The following TBC1D22A variants were observed in gnomAD, a reference collection of about 807,000 sequenced individuals.
The protein encoded by TBC1D22A is putative GTPase activator.
In TBC1D22A, 38 loss-of-function variants were observed where a neutral mutation model predicts 60.2. The observed-to-expected ratio is 0.63, with a 90% CI of 0.49 to 0.83. The LOEUF is 0.83. TBC1D22A is among the 40% of genes least tolerant of loss of function. The probability of loss-of-function intolerance (pLI) is 0.00; values close to 1 mark genes in which losing one functional copy is unlikely to be tolerated. For synonymous variants in TBC1D22A, 302 were observed against 281.7 expected, an observed-to-expected ratio of 1.07 and a Z score of -0.72; for missense variants, 628 against 701.0, an observed-to-expected ratio of 0.90 and a Z score of 1.18.
chr22:46,908,709 G>T (rs996441995), intron 7 of TBC1D22A, among the ~76,000 whole-genome samples: 5 of 152,226 alleles, frequency 3.3e-5, no homozygotes, highest in South Asian at 2.1e-4. Context: ...TCCTGACTTG[G>T]ATGAGGGGAA....
chr22:46,776,777 T>C (rs1274502073), intron 1 of TBC1D22A, among the ~76,000 whole-genome samples: 1 of 151,912 alleles, frequency 6.6e-6, no homozygotes, highest in Admixed American at 6.6e-5. Flanking sequence ...TGCCACACTT[T>C]GCAAAAGGTG....
intron 12 of TBC1D22A, among the ~76,000 whole-genome samples, chr22:47,121,340 C>T (rs1340686318): frequency 2.0e-5 from 3 of 152,158 alleles, no homozygotes; most frequent in Non-Finnish European, 4.4e-5. Flanking sequence ...AAGAGCCTTT[C>T]CTCGATCCAG....
At chr22:46,979,622 C>T (rs944765698) in intron 9 of TBC1D22A, among the ~76,000 whole-genome samples, 5 of 152,134 alleles carry the variant, frequency 3.3e-5, no homozygotes, top group African/African-American at 4.8e-5. Flanking sequence ...CCTTTCCTGC[C>T]GTATCCAGGG....
chr22:47,151,543 G>C (rs141704066), intron 12 of TBC1D22A, among the ~76,000 whole-genome samples: 123 of 152,318 alleles, frequency 8.1e-4, no homozygotes, highest in African/African-American at 2.7e-3. Flanking sequence ...TTGGTCCATG[G>C]CTGGGAGAGG....
At chr22:46,778,793 C>T (rs2083812912) in intron 1 of TBC1D22A, among the ~76,000 whole-genome samples, 1 of 147,198 alleles carries the variant, frequency 6.8e-6, no homozygotes, top group South Asian at 2.1e-4. Flanking sequence ...CCTGTAATCC[C>T]AGCACTCTGG....
rs187080234 is a variant in TBC1D22A, at chr22:46,766,567, G to A, written c.62+3719G>A. On this transcript the variant is annotated intron_variant, in intron 1 of 12. Coordinates refer to ENST00000337137, the MANE Select transcript of TBC1D22A (RefSeq NM_014346.5). ...TTTTTTATTTTTGAGATGGAGTCTC[G>A]CTCTGTCGCCCAGACTGGAGTGCAG... Among the ~76,000 whole-genome samples, 24 of 151,812 alleles carry A rather than the reference G, an allele frequency of 1.6e-4. No homozygotes were observed. The East Asian group carries it at 3.3e-3, about 21-fold the overall frequency.
At chr22:46,803,716 C>T (rs539769116) in intron 4 of TBC1D22A, among the ~76,000 whole-genome samples, 3 of 152,322 alleles carry the variant, frequency 2.0e-5, no homozygotes, top group East Asian at 1.9e-4. Context: ...CTGGCTAACT[C>T]GGCCTTGCCC....
At chr22:46,882,352 A>G (rs1042324979) in intron 5 of TBC1D22A, among the ~76,000 whole-genome samples, 2 of 152,056 alleles carry the variant, frequency 1.3e-5, no homozygotes, top group African/African-American at 4.8e-5. Context: ...ACATGTCATT[A>G]TCACCTTTGG....
intron 12 of TBC1D22A, among the ~76,000 whole-genome samples, chr22:47,151,325 C>G (rs567048808): frequency 6.6e-6 from 1 of 152,348 alleles, no homozygotes; most frequent in Admixed American, 6.5e-5. Context: ...GCAGAACCGA[C>G]CTTTCCAGAT....
intron 7 of TBC1D22A, among the ~76,000 whole-genome samples, chr22:46,905,820 G>T (rs569198369): frequency 6.6e-6 from 1 of 152,200 alleles, no homozygotes; most frequent in Non-Finnish European, 1.5e-5. Flanking sequence ...CATCCTTCTG[G>T]GGGCATGACC....
intron 1 of TBC1D22A, chr22:46,774,353 T>G: frequency 1.4e-6 from 1 of 704,600 alleles, no homozygotes; most frequent in Non-Finnish European, 1.7e-6. Flanking sequence ...GGCCCCGTGC[T>G]GTGGGGAACT....
At chr22:46,839,032 G>A (rs1051061285) in intron 4 of TBC1D22A, among the ~76,000 whole-genome samples, 2 of 152,082 alleles carry the variant, frequency 1.3e-5, no homozygotes, top group African/African-American at 4.8e-5. Flanking sequence ...GAAATAAAAG[G>A]CATTCAAATC....
At chr22:46,838,196 A>G (rs2086601570) in intron 4 of TBC1D22A, among the ~76,000 whole-genome samples, 1 of 152,252 alleles carries the variant, frequency 6.6e-6, no homozygotes, top group African/African-American at 2.4e-5. Flanking sequence ...TAGAGAGTAG[A>G]AAAACAACAG....
chr22:46,986,497 T>C (rs1338763780), intron 9 of TBC1D22A, among the ~76,000 whole-genome samples: 1 of 152,232 alleles, frequency 6.6e-6, no homozygotes, highest in African/African-American at 2.4e-5. Flanking sequence ...TGAGTCTTCT[T>C]ACCCGTGAGC....
intron 8 of TBC1D22A, among the ~76,000 whole-genome samples, chr22:46,957,660 C>G (rs995644119): frequency 6.6e-6 from 1 of 152,236 alleles, no homozygotes; most frequent in Non-Finnish European, 1.5e-5. Flanking sequence ...TGGGTTGGAA[C>G]TGGCTCGGGA....
intron 7 of TBC1D22A, among the ~76,000 whole-genome samples, chr22:46,904,017 T>A (rs1319062631): frequency 6.6e-6 from 1 of 151,480 alleles, no homozygotes; most frequent in East Asian, 1.9e-4. Flanking sequence ...AAATGCTTAT[T>A]TGGAAAAAAA....
At chr22:47,027,050 G>A (rs909198744) in intron 10 of TBC1D22A, among the ~76,000 whole-genome samples, 25 of 152,296 alleles carry the variant, frequency 1.6e-4, no homozygotes, top group African/African-American at 4.6e-4. Context: ...GCATGTTGTT[G>A]CCATTGAGAT....
chr22:46,785,492 C>T (rs2084120743), intron 1 of TBC1D22A, among the ~76,000 whole-genome samples: 1 of 152,184 alleles, frequency 6.6e-6, no homozygotes, highest in African/African-American at 2.4e-5. Flanking sequence ...GTATATAATG[C>T]AGTGGTTTTT....
intron 7 of TBC1D22A, among the ~76,000 whole-genome samples, chr22:46,904,564 G>C (rs1381141798): frequency 6.6e-6 from 1 of 151,766 alleles, no homozygotes; most frequent in Non-Finnish European, 1.5e-5. Context: ...TGCCTCCCGG[G>C]TTCAAGCCAT....
Sources: allele counts gnomAD v4.1 joint callset (sites outside exome capture counted in the v4.1 genomes callset), GRCh38; gene constraint gnomAD v4.1.1; transcripts MANE v1.5; gene names NCBI Gene and HGNC (gene_info 2026-07-23, HGNC 2026-07-21).